DENND1A: variants seen among roughly 807,000 people sequenced by gnomAD.
DENND1A encodes the protein DENN domain containing 1A, also known as DENN domain-containing protein 1A.
DENND1A carries 51 observed loss-of-function variants against 113.7 expected under a neutral mutation model. The observed-to-expected ratio is 0.45, with a 90% confidence interval of 0.36 to 0.57. The LOEUF is 0.57. Among genes scored for constraint, DENND1A ranks in the 20% least tolerant of loss-of-function variants. The pLI is 0.00. For missense variants in DENND1A, 1,258 were observed against 1,395.9 expected, an observed-to-expected ratio of 0.90 and a Z score of 1.57; for synonymous variants, 565 against 570.8, an observed-to-expected ratio of 0.99 and a Z score of 0.14.
At chr9:123,670,192 C>G (rs1416252351) in intron 7 of DENND1A, among the ~76,000 whole-genome samples, 1 of 152,172 alleles carries the variant, frequency 6.6e-6, no homozygotes, top group Non-Finnish European at 1.5e-5. Context: ...CAAGGAATAT[C>G]AATTTTCTTT....
At chr9:123,407,033 C>T (rs901085746) in intron 20 of DENND1A, among the ~76,000 whole-genome samples, 10 of 152,118 alleles carry the variant, frequency 6.6e-5, no homozygotes, top group African/African-American at 1.7e-4. Context: ...GCTAATTAGA[C>T]GAGCTGAGCT....
chr9:123,531,042 A>G (rs1156523228), intron 13 of DENND1A, among the ~76,000 whole-genome samples: 2 of 152,212 alleles, frequency 1.3e-5, no homozygotes, highest in South Asian at 4.1e-4. Context: ...TTGTATTGTT[A>G]GGAAGAGATA....
At chr9:123,793,602 A>G (rs1442981403) in intron 2 of DENND1A, among the ~76,000 whole-genome samples, 1 of 152,176 alleles carries the variant, frequency 6.6e-6, no homozygotes, top group Non-Finnish European at 1.5e-5. Context: ...GTCACAATAT[A>G]TGCTACCCAT....
rs779082662 is a variant in DENND1A at position 123,671,282 on chromosome 9, C to T, written c.453+9G>A. 1 of 1,613,874 alleles carries T rather than the reference C, an allele frequency of 6.2e-7. No individual in the cohort carries two copies. Among genetic ancestry groups the T allele is most frequent in the Non-Finnish European group, 8.5e-7 (1 of 1,179,964 alleles). On this transcript the variant is annotated intron_variant, in intron 7 of 23. Transcript: ENST00000394215. The stretch of plus-strand genomic sequence containing the variant: ...TTTTCAGTGATGGCTAATACTCCGC[C>T]CCACTTACCACGCTGAGATGGACAG...
intron 9 of DENND1A, among the ~76,000 whole-genome samples, chr9:123,645,443 G>A (rs1184509705): frequency 6.6e-6 from 1 of 151,864 alleles, no homozygotes; most frequent in East Asian, 1.9e-4. Flanking sequence ...CCATCTAAAA[G>A]ATAATAAAAA....
In DENND1A at chr9:123,771,866, TG is replaced by T. The variant is rs372664570; in HGVS notation, c.133-2304del. 1.0e-3 allele frequency among the ~76,000 whole-genome samples: 150 copies of T among 146,502 alleles called. 3 individuals carry two copies. In the South Asian group the frequency reaches 0.027, roughly 26 times the overall value. On this transcript the variant is annotated intron_variant, in intron 3 of 23. Coordinates refer to ENST00000394215, the MANE Select transcript of DENND1A (RefSeq NM_001352964.2). Reference sequence around the variant, plus strand: ...CAGTAAATCTAATTAAGCAATAGGATGGGGGGAGGGGAGGGGGAAAGGGAAT... The same window carrying T: ...CAGTAAATCTAATTAAGCAATAGGATGGGGGAGGGGAGGGGGAAAGGGAAT...
At chr9:123,898,094 T>C (rs576347008) in intron 1 of DENND1A, among the ~76,000 whole-genome samples, 2 of 152,300 alleles carry the variant, frequency 1.3e-5, no homozygotes, top group Admixed American at 6.5e-5. Flanking sequence ...GTAAGCCCTG[T>C]GCCCAGCCCA....
intron 13 of DENND1A, among the ~76,000 whole-genome samples, chr9:123,531,965 G>A (rs963313791): frequency 6.6e-6 from 1 of 152,154 alleles, no homozygotes; most frequent in Non-Finnish European, 1.5e-5. Flanking sequence ...GGACAGATGT[G>A]GCTTATAACA....
In DENND1A at chr9:123,432,963, G is replaced by A. The variant is rs558972361; in HGVS notation, c.1488+7397C>T. On this transcript the variant is annotated intron_variant, in intron 19 of 23. Transcript: ENST00000394215. ...TTGCCATGTGTGCATGCATAGGGCCGCCCCTGAGGGACTGCGCGCTCTGAG... is the reference window on the plus strand; with the variant it reads ...TTGCCATGTGTGCATGCATAGGGCCACCCCTGAGGGACTGCGCGCTCTGAG... 4.6e-5 allele frequency among the ~76,000 whole-genome samples: 7 copies of A among 152,296 alleles called. No individual in the cohort carries two copies. In the South Asian group the frequency reaches 1.2e-3, roughly 27 times the overall value.
chr9:123,555,434 G>C (rs1276843708), intron 13 of DENND1A, among the ~76,000 whole-genome samples: 1 of 152,200 alleles, frequency 6.6e-6, no homozygotes, highest in African/African-American at 2.4e-5. Context: ...TTGCTCCAAA[G>C]AAAATGGCGC....
Position 123,413,081 on chromosome 9 carries a change from G to A in DENND1A, c.1489-1252C>T, listed in dbSNP as rs2044441303. On this transcript the variant is annotated intron_variant, in intron 19 of 23. Transcript: ENST00000394215. ...TGCCTGTAATCCCACGTACTCGGGA[G>A]GCTAGGACAGAAGAATTGCTTGAAC... Among the ~76,000 whole-genome samples, 4 of 152,244 alleles carry A rather than the reference G, an allele frequency of 2.6e-5. No homozygotes were observed. In the South Asian group the frequency reaches 8.3e-4, roughly 32 times the overall value.
chr9:123,781,150 T>C (rs1458273557), intron 3 of DENND1A, among the ~76,000 whole-genome samples: 1 of 152,188 alleles, frequency 6.6e-6, no homozygotes, highest in African/African-American at 2.4e-5. Flanking sequence ...CACTTCCAAC[T>C]TGCAGGAATA....
At chr9:123,623,901 A>C (rs1346987092) in intron 10 of DENND1A, among the ~76,000 whole-genome samples, 1 of 152,332 alleles carries the variant, frequency 6.6e-6, no homozygotes, top group African/African-American at 2.4e-5. Flanking sequence ...CCAGAAGTCA[A>C]CGAAGACTTC....
In DENND1A at chr9:123,425,791, C is replaced by T. The variant is rs116445966; in HGVS notation, c.1489-13962G>A. ...AGGGAATGACTGGGCTTGGAGAAGT[C>T]GGTGGAGGTGGGGGCTTGTCAAGGG... On this transcript the variant is annotated intron_variant, in intron 19 of 23. Coordinates refer to ENST00000394215, the MANE Select transcript of DENND1A (RefSeq NM_001352964.2). Among the ~76,000 whole-genome samples, 615 of 152,248 alleles carry T rather than the reference C, an allele frequency of 4.0e-3. 5 individuals are homozygous for T. The highest frequency in any genetic ancestry group is 0.014 in the African/African-American group (581 of 41,544).
intron 2 of DENND1A, among the ~76,000 whole-genome samples, chr9:123,827,344 G>A (rs1781422487): frequency 2.0e-5 from 3 of 149,384 alleles, no homozygotes; most frequent in Admixed American, 2.0e-4. Context: ...AGTGGCCTCA[G>A]GAAAAAGATT....
chr9:123,438,881 C>T (rs1400441903), intron 19 of DENND1A, among the ~76,000 whole-genome samples: 1 of 152,190 alleles, frequency 6.6e-6, no homozygotes, highest in Admixed American at 6.5e-5. Flanking sequence ...ATAGGGCCTC[C>T]TTTTTTTGTG....
intron 10 of DENND1A, among the ~76,000 whole-genome samples, chr9:123,614,106 G>A (rs1007726575): frequency 6.6e-6 from 1 of 152,188 alleles, no homozygotes; most frequent in Non-Finnish European, 1.5e-5. Flanking sequence ...AGGGAACTCT[G>A]CAAGGTGGTG....
Position 123,619,091 on chromosome 9 carries a change from C to T in DENND1A, c.720-9610G>A, listed in dbSNP as rs1262057974. ...GCCTCAGAGTAGCTGGGATTACAGG[C>T]ACACGCCACCACGCCCAGCTAATTT... On this transcript the variant is annotated intron_variant, in intron 10 of 23. Transcript: ENST00000394215. 3.3e-5 allele frequency among the ~76,000 whole-genome samples: 5 copies of T among 152,152 alleles called. No individual in the cohort carries two copies. The South Asian group carries it at 6.2e-4, about 19-fold the overall frequency.
intron 2 of DENND1A, among the ~76,000 whole-genome samples, chr9:123,827,238 C>T (rs1187218602): frequency 1.3e-5 from 2 of 152,014 alleles, no homozygotes; most frequent in East Asian, 3.9e-4. Flanking sequence ...TTCTCTTTCA[C>T]TTATAGTTCC....
Sources: allele counts gnomAD v4.1 joint callset (sites outside exome capture counted in the v4.1 genomes callset), GRCh38; gene constraint gnomAD v4.1.1; transcripts MANE v1.5; gene names NCBI Gene and HGNC (gene_info 2026-07-23, HGNC 2026-07-21).